PI4K2B: variants seen among roughly 807,000 people sequenced by gnomAD.
PI4K2B encodes the protein phosphatidylinositol 4-kinase type 2 beta, also known as phosphatidylinositol 4-kinase type 2-beta.
A neutral mutation model predicts 56.6 loss-of-function variants in PI4K2B; 46 were observed. The ratio of observed to expected loss-of-function variants is 0.81; its 90% CI spans 0.64 to 1.04. The LOEUF is 1.04. PI4K2B is among the 50% of genes least tolerant of loss of function. PI4K2B has a pLI of 0.00. For synonymous variants in PI4K2B, 211 were observed against 223.8 expected, an observed-to-expected ratio of 0.94 and a Z score of 0.51; for missense variants, 556 against 607.7, an observed-to-expected ratio of 0.91 and a Z score of 0.89.
chr4:25,268,151 T>C (rs1226028116), intron 7 of PI4K2B, among the ~76,000 whole-genome samples: 1 of 152,226 alleles, frequency 6.6e-6, no homozygotes, highest in Non-Finnish European at 1.5e-5. Context: ...CATCAGTTTC[T>C]GAACTGAGGA....
rs1452134657 is a variant in PI4K2B at position 25,256,559 on chromosome 4, G to A, written c.641G>A (p.Ser214Asn). 4 of 1,613,086 alleles carry A rather than the reference G, an allele frequency of 2.5e-6. No homozygotes were observed. The highest frequency in any genetic ancestry group is 3.4e-6 in the Non-Finnish European group (4 of 1,179,670). The change falls in exon 4 of 10, where the codon AGT becomes AAT. Residue 214 changes from serine (S) to asparagine (N), a missense_variant. Transcript: ENST00000264864. The part of the protein sequence containing the change: ...VPKTKVVWLV[S>N]ETFNYNAIDR... ...TGTTTCTAGGTGGTTTGGCTTGTCA[G>A]TGAGACATTTAACTATAATGCGATT...
intron 4 of PI4K2B, among the ~76,000 whole-genome samples, chr4:25,257,171 C>G (rs1716292188): frequency 6.6e-6 from 1 of 151,846 alleles, no homozygotes; most frequent in African/African-American, 2.4e-5. Flanking sequence ...AATCTTCCTG[C>G]CTCAGGCTTC....
chr4:25,271,111 ATC>A (rs1377050946), intron 9 of PI4K2B, among the ~76,000 whole-genome samples: 1 of 152,244 alleles, frequency 6.6e-6, no homozygotes, highest in East Asian at 1.9e-4. Context: ...TAGCTCACGC[ATC>A]TCTCTGCTCC....
chr4:25,271,294 A>G (rs1362814558), intron 9 of PI4K2B, among the ~76,000 whole-genome samples: 1 of 152,250 alleles, frequency 6.6e-6, no homozygotes, highest in African/African-American at 2.4e-5. Flanking sequence ...CTGTGATGAG[A>G]CAGAAGTTTT....
chr4:25,234,980 TTC>T (rs1226937439), intron 1 of PI4K2B, among the ~76,000 whole-genome samples: 2 of 152,138 alleles, frequency 1.3e-5, no homozygotes, highest in Non-Finnish European at 2.9e-5. Flanking sequence ...ACAGTTTAGT[TTC>T]TCTTTCTTGA....
At chr4:25,256,414 A>G in intron 3 of PI4K2B, 129 bp from the exon 4 acceptor site, 1 of 793,776 alleles carries the variant, frequency 1.3e-6, no homozygotes, top group Non-Finnish European at 2.0e-6. Flanking sequence ...TCTGTTTTAG[A>G]TTCTCTGGGG....
At chr4:25,236,420 G>C (rs902770794) in intron 1 of PI4K2B, among the ~76,000 whole-genome samples, 1 of 151,632 alleles carries the variant, frequency 6.6e-6, no homozygotes, top group African/African-American at 2.4e-5. Flanking sequence ...GCATGGTGGC[G>C]GGCGCCTGCA....
chr4:25,249,118 C>T (rs1441297491), intron 1 of PI4K2B, among the ~76,000 whole-genome samples: 1 of 152,098 alleles, frequency 6.6e-6, no homozygotes, highest in East Asian at 1.9e-4. Flanking sequence ...TCAGAGAGCG[C>T]CGGGTTGGGG....
At chr4:25,271,124 A>G (rs961498706) in intron 9 of PI4K2B, among the ~76,000 whole-genome samples, 3 of 152,250 alleles carry the variant, frequency 2.0e-5, no homozygotes, top group East Asian at 1.9e-4. Context: ...TCTCTGCTCC[A>G]TCACATTTAT....
chr4:25,251,065 G>A lies in PI4K2B; in HGVS notation c.269-1256G>A, dbSNP rs771399712. On this transcript the variant is annotated intron_variant, in intron 1 of 9. Transcript: ENST00000264864. The stretch of plus-strand genomic sequence containing the variant: ...TAGTGAAGTTTGAGATGTCTATTAC[G>A]CATCCAAGTGGAGATGTTGAATACA... Among the ~76,000 whole-genome samples the A allele has an allele frequency of 5.3e-5, 8 of 152,150 alleles. No individual in the cohort carries two copies. The South Asian group carries it at 6.2e-4, about 12-fold the overall frequency.
At chr4:25,265,198 CAAAAAAAAA>C (rs71188933) in intron 7 of PI4K2B, among the ~76,000 whole-genome samples, 3 of 65,408 alleles carry the variant, frequency 4.6e-5, no homozygotes, top group Non-Finnish European at 7.7e-5. Flanking sequence ...TCTGTCTCAC[CAAAAAAAAA>C]AAAAAAAAAA....
At chr4:25,269,879 G>A (rs1438378249) in intron 9 of PI4K2B, among the ~76,000 whole-genome samples, 6 of 151,006 alleles carry the variant, frequency 4.0e-5, no homozygotes, top group Non-Finnish European at 8.9e-5. Context: ...ACACCCGGCT[G>A]ATTTTTTTCT....
Position 25,278,305 on chromosome 4 carries a change from G to A in PI4K2B, c.*1118G>A, listed in dbSNP as rs911883457. 6.6e-6 allele frequency: 1 copy of A among 152,168 alleles called. No individual in the cohort carries two copies. Among genetic ancestry groups the A allele is most frequent in the Non-Finnish European group, 1.5e-5 (1 of 68,032 alleles). The allele number at this position is 152,168 out of a possible 1,614,324, so 9.4% of individuals were successfully genotyped here. A position where few individuals can be genotyped will look rare whatever the true frequency, so the allele number is the denominator to read the frequency against. On this transcript the variant is annotated 3_prime_UTR_variant, in exon 10 of 10. Coordinates refer to ENST00000264864, the MANE Select transcript of PI4K2B (RefSeq NM_018323.4). ...ATTTGTAACATTGTTAATGCACTAA[G>A]TGATTTAAATTCAATTGATGAAGAT...
rs73252564 is a variant in PI4K2B at position 25,234,758 on chromosome 4, A to T, written c.268+327A>T. On this transcript the variant is annotated intron_variant, in intron 1 of 9. Transcript: ENST00000264864. ...GTAAAATGACGTAAGTCCTTGCTCA[A>T]GTTTGGACTTGACTTTTGAATTAAG... Among the ~76,000 whole-genome samples the T allele has an allele frequency of 3.2e-3, 495 of 152,348 alleles. 3 individuals carry two copies. The highest frequency in any genetic ancestry group is 5.1e-3 in the Non-Finnish European group (350 of 68,032).
At chr4:25,268,696 C>A in intron 8 of PI4K2B, 120 bp downstream of exon 8, 2 of 644,946 alleles carry the variant, frequency 3.1e-6, no homozygotes, top group Non-Finnish European at 5.1e-6. Flanking sequence ...TAAAACCTGA[C>A]AGGACAGAGA....
At chr4:25,242,476 T>G (rs971782655) in intron 1 of PI4K2B, among the ~76,000 whole-genome samples, 1 of 152,220 alleles carries the variant, frequency 6.6e-6, no homozygotes, top group Non-Finnish European at 1.5e-5. Flanking sequence ...GAAGGCATAC[T>G]TGAGGTCCAG....
chr4:25,271,591 T>G (rs1440627390), intron 9 of PI4K2B, among the ~76,000 whole-genome samples: 1 of 152,208 alleles, frequency 6.6e-6, no homozygotes, highest in Non-Finnish European at 1.5e-5. Flanking sequence ...TATAATCATG[T>G]TGCAGAGTTT....
chr4:25,276,989 G>T, intron 9 of PI4K2B, 25 bp from the exon 10 acceptor site: 1 of 1,491,722 alleles, frequency 6.7e-7, no homozygotes, highest in African/African-American at 1.4e-5. Flanking sequence ...TTTTAAATTG[G>T]TAAAAATCTC....
chr4:25,258,935 G>T, intron 4 of PI4K2B, 102 bp from the exon 5 acceptor site: 1 of 545,894 alleles, frequency 1.8e-6, no homozygotes. Context: ...TTTTCTTATT[G>T]TGTTTACATG....
Sources: allele counts gnomAD v4.1 joint callset (sites outside exome capture counted in the v4.1 genomes callset), GRCh38; gene constraint gnomAD v4.1.1; transcripts MANE v1.5; gene names NCBI Gene and HGNC (gene_info 2026-07-23, HGNC 2026-07-21).